RIMS1: variants seen among roughly 807,000 people sequenced by gnomAD.
The protein encoded by RIMS1 is regulating synaptic membrane exocytosis protein 1.
A neutral mutation model predicts 214.1 loss-of-function variants in RIMS1; 83 were observed. The observed-to-expected ratio is 0.39, with a 90% CI of 0.32 to 0.47. The LOEUF (loss-of-function observed/expected upper bound fraction) is 0.47. Among genes scored for constraint, RIMS1 ranks in the 20% least tolerant of loss-of-function variants. The pLI is 0.99. For synonymous variants in RIMS1, 793 were observed against 786.8 expected, an observed-to-expected ratio of 1.01 and a Z score of -0.13; for missense variants, 2,050 against 2,161.8, an observed-to-expected ratio of 0.95 and a Z score of 1.03.
At chr6:71,914,903 A>T (rs1451154183) in intron 1 of RIMS1, among the ~76,000 whole-genome samples, 1 of 152,146 alleles carries the variant, frequency 6.6e-6, no homozygotes, top group Non-Finnish European at 1.5e-5. Context: ...GGTCATAGTC[A>T]TCCTAAGTTA....
Position 72,236,579 on chromosome 6 carries a change from T to C in RIMS1, c.1857+851T>C, listed in dbSNP as rs531261613. 3.9e-5 allele frequency among the ~76,000 whole-genome samples: 6 copies of C among 152,214 alleles called. No individual in the cohort carries two copies. In the East Asian group the frequency reaches 1.2e-3, roughly 29 times the overall value. ...AAAATGAATTTTAATGTAAACAGTG[T>C]CAAACACTTGCTGTTTGATACTAAG... On this transcript the variant is annotated intron_variant, in intron 8 of 33. Coordinates refer to ENST00000521978, the MANE Select transcript of RIMS1 (RefSeq NM_014989.7).
chr6:72,073,847 T>C (rs1002244520), intron 2 of RIMS1, among the ~76,000 whole-genome samples: 1 of 152,230 alleles, frequency 6.6e-6, no homozygotes, highest in Non-Finnish European at 1.5e-5. Context: ...AGCTAGGTCA[T>C]TGCTTTGCCC....
At chr6:72,390,906 C>CGAGA in intron 30 of RIMS1, 170 bp downstream of exon 30, 4 of 575,606 alleles carry the variant, frequency 6.9e-6, no homozygotes, top group South Asian at 7.3e-5. Flanking sequence ...ATGGACACAC[C>CGAGA]TCTACACCTG....
At chr6:72,302,303 T>C (rs2094697797) in intron 26 of RIMS1, among the ~76,000 whole-genome samples, 1 of 151,646 alleles carries the variant, frequency 6.6e-6, no homozygotes, top group African/African-American at 2.4e-5. Flanking sequence ...TCTAAAAAAC[T>C]GTGGGCAGAG....
At chr6:71,887,277 G>A in intron 1 of RIMS1, 90 bp downstream of exon 1, 2 of 1,499,414 alleles carry the variant, frequency 1.3e-6, no homozygotes, top group Non-Finnish European at 1.8e-6. Context: ...GCTGAGTGTG[G>A]GGAAGGGGCT....
intron 2 of RIMS1, among the ~76,000 whole-genome samples, chr6:71,976,984 C>T (rs1486621628): frequency 6.6e-6 from 1 of 152,116 alleles, no homozygotes; most frequent in Non-Finnish European, 1.5e-5. Flanking sequence ...TTCTCTATGA[C>T]TTTAAGCTCT....
At chr6:72,177,760 C>G (rs2153965226) in intron 4 of RIMS1, among the ~76,000 whole-genome samples, 1 of 152,274 alleles carries the variant, frequency 6.6e-6, no homozygotes, top group African/African-American at 2.4e-5. Context: ...CACACACGTC[C>G]TGTCCCCACT....
chr6:72,237,972 C>T, intron 9 of RIMS1, 50 bp downstream of exon 9: 1 of 1,304,134 alleles, frequency 7.7e-7, no homozygotes, highest in Non-Finnish European at 1.1e-6. Flanking sequence ...CATGCATGAA[C>T]ATGAATTGGT....
At chr6:72,332,311 G>C (rs1470015804) in intron 28 of RIMS1, among the ~76,000 whole-genome samples, 2 of 151,744 alleles carry the variant, frequency 1.3e-5, no homozygotes, top group Non-Finnish European at 1.5e-5. Context: ...CATTTTAGGT[G>C]TATCAAACCA....
chr6:71,909,381 T>C (rs149350938), intron 1 of RIMS1, among the ~76,000 whole-genome samples: 132 of 152,228 alleles, frequency 8.7e-4, no homozygotes, highest in African/African-American at 3.0e-3. Context: ...CCACGGAGTG[T>C]GTTTAGTGGC....
Position 72,237,708 on chromosome 6 carries a change from T to C in RIMS1, c.1858-115T>C, listed in dbSNP as rs932605788. 7.2e-5 allele frequency: 54 copies of C among 754,134 alleles called. 1 individual carries two copies. The highest frequency in any genetic ancestry group is 1.1e-4 in the Non-Finnish European group (52 of 457,342). The allele number at this position is 754,134 out of a possible 1,614,324, so 46.7% of individuals were successfully genotyped here. ...AAAAAAAAGTGCTTCACTTCATTAA[T>C]GTTTCTACATGCAATTTCAAGTGTA... is the stretch of plus-strand genomic sequence containing the variant. On this transcript the variant is annotated intron_variant, in intron 8 of 33. Transcript: ENST00000521978.
At chr6:71,978,506 T>G (rs6936097) in intron 2 of RIMS1, among the ~76,000 whole-genome samples, 80,669 of 151,910 alleles carry the variant, frequency 0.53, 21,883 homozygotes, top group East Asian at 0.82. Flanking sequence ...GAAACTGATT[T>G]TTAAAATATA....
chr6:72,309,686 C>T (rs1333211752), intron 27 of RIMS1, among the ~76,000 whole-genome samples: 3 of 151,966 alleles, frequency 2.0e-5, no homozygotes, highest in Non-Finnish European at 4.4e-5. Flanking sequence ...TACTATGGCT[C>T]TTACTGAATA....
At chr6:72,123,830 T>C (rs983591234) in intron 4 of RIMS1, among the ~76,000 whole-genome samples, 5 of 151,862 alleles carry the variant, frequency 3.3e-5, no homozygotes, top group African/African-American at 1.2e-4. Context: ...GCTTGGTAGA[T>C]CTTCCTCCAT....
chr6:72,263,122 G>A (rs1015294511), intron 19 of RIMS1: 1 of 984,114 alleles, frequency 1.0e-6, no homozygotes. Context: ...TCACCAATAA[G>A]AGTTTTTGTG....
chr6:72,379,660 A>G (rs1340889711), intron 29 of RIMS1, among the ~76,000 whole-genome samples: 1 of 152,228 alleles, frequency 6.6e-6, no homozygotes, highest in African/African-American at 2.4e-5. Flanking sequence ...AATAGGTTCC[A>G]GGCACTTTCC....
chr6:72,213,081 G>C, intron 6 of RIMS1: 1 of 1,536,044 alleles, frequency 6.5e-7, no homozygotes, highest in Non-Finnish European at 8.7e-7. Context: ...AAACAGCAAG[G>C]CTTAAATCTC....
chr6:72,254,661 G>A (rs1346938380), intron 16 of RIMS1, among the ~76,000 whole-genome samples: 2 of 152,016 alleles, frequency 1.3e-5, no homozygotes, highest in African/African-American at 4.8e-5. Context: ...TAAATAAATG[G>A]CCAATTAAAT....
At chr6:72,217,970 G>C (rs1355951826) in intron 6 of RIMS1, among the ~76,000 whole-genome samples, 3 of 152,088 alleles carry the variant, frequency 2.0e-5, no homozygotes, top group Admixed American at 2.0e-4. Flanking sequence ...GTTATTCTCT[G>C]TAGGAATGGC....
Sources: gnomAD v4.1 joint callset for allele counts (sites outside exome capture counted in the v4.1 genomes callset) on GRCh38, gnomAD v4.1.1 for gene constraint, MANE v1.5 for transcripts, NCBI Gene and HGNC (gene_info 2026-07-23, HGNC 2026-07-21) for gene names.